Variants in FA2H observed in about 807,000 individuals in gnomAD.
FA2H encodes fatty acid alpha-hydroxylase.
In FA2H, 22 loss-of-function variants were observed where a neutral mutation model predicts 44.9. That is an observed-to-expected ratio of 0.49 (90% confidence interval 0.35 to 0.70). The LOEUF is 0.70. FA2H is among the 30% of genes least tolerant of loss of function. The pLI is 0.01. For synonymous variants in FA2H, 243 were observed against 213.2 expected, an observed-to-expected ratio of 1.14 and a Z score of -1.22; for missense variants, 501 against 504.9, an observed-to-expected ratio of 0.99 and a Z score of 0.07.
intron 2 of FA2H, among the ~76,000 whole-genome samples, chr16:74,727,648 G>A (rs1211432713): frequency 1.3e-5 from 2 of 152,210 alleles, no homozygotes; most frequent in Non-Finnish European, 2.9e-5. Context: ...TTCTGTTGGA[G>A]GTGCTAAATC....
intron 2 of FA2H, among the ~76,000 whole-genome samples, chr16:74,730,588 C>T (rs1182404976): frequency 6.6e-6 from 1 of 152,134 alleles, no homozygotes; most frequent in Non-Finnish European, 1.5e-5. Context: ...GCTACCACCA[C>T]CATCAGGAAA....
At chr16:74,758,031 T>C (rs1396916678) in intron 1 of FA2H, among the ~76,000 whole-genome samples, 1 of 151,516 alleles carries the variant, frequency 6.6e-6, no homozygotes, top group Non-Finnish European at 1.5e-5. Context: ...AATATATATA[T>C]ACGCATGTAT....
intron 1 of FA2H, among the ~76,000 whole-genome samples, chr16:74,751,245 C>T (rs969201329): frequency 3.3e-5 from 5 of 152,024 alleles, no homozygotes; most frequent in Admixed American, 6.6e-5. Flanking sequence ...TAGGCATGCA[C>T]CACCATGCCT....
At chr16:74,734,897 CCAAACT>C (rs1962150736) in intron 2 of FA2H, among the ~76,000 whole-genome samples, 1 of 152,214 alleles carries the variant, frequency 6.6e-6, no homozygotes, top group African/African-American at 2.4e-5. Context: ...AAATGTCCAC[CCAAACT>C]CAGGCATATT....
chr16:74,719,959 T>C (rs1411289433), intron 4 of FA2H, among the ~76,000 whole-genome samples: 1 of 151,672 alleles, frequency 6.6e-6, no homozygotes, highest in Non-Finnish European at 1.5e-5. Flanking sequence ...CCTGAAATCA[T>C]AGCACAGGAG....
Position 74,774,532 on chromosome 16 carries a change from C to T in FA2H, c.224G>A (p.Arg75His). The part of the protein sequence containing the change: ...PPHRHSANAR[R>H]WLEQYYVGEL... ...TCCCACGTAGTACTGCTCCAGCCAGCGGCGCGCGTTGGCCGAGTGCCTGTG... is the reference window on the plus strand; with the variant it reads ...TCCCACGTAGTACTGCTCCAGCCAGTGGCGCGCGTTGGCCGAGTGCCTGTG... Residue 75 changes from arginine (R) to histidine (H), a missense_variant, in exon 1 of 7, where the codon CGC becomes CAC. Transcript: ENST00000219368. 6.5e-7 allele frequency: 1 copy of T among 1,543,202 alleles called. No individual in the cohort carries two copies. The highest frequency in any genetic ancestry group is 8.7e-7 in the Non-Finnish European group (1 of 1,154,338).
intron 2 of FA2H, among the ~76,000 whole-genome samples, chr16:74,735,021 G>A (rs146647841): frequency 2.1e-3 from 313 of 152,348 alleles, no homozygotes; most frequent in African/African-American, 7.3e-3. Flanking sequence ...TGGTCAGCTG[G>A]GGCTCAGGCC....
At chr16:74,715,906 C>G (rs868060800) in intron 6 of FA2H, among the ~76,000 whole-genome samples, 3 of 151,712 alleles carry the variant, frequency 2.0e-5, no homozygotes, top group Admixed American at 1.3e-4. Context: ...GCTTCTGCCT[C>G]CTGGATTCAA....
At chr16:74,731,139 G>A (rs1962063024) in intron 2 of FA2H, among the ~76,000 whole-genome samples, 1 of 151,230 alleles carries the variant, frequency 6.6e-6, no homozygotes, top group Admixed American at 6.6e-5. Flanking sequence ...TTTTAATCTA[G>A]TCAGACAATC....
At chr16:74,766,279 C>T (rs142835524) in intron 1 of FA2H, among the ~76,000 whole-genome samples, 124 of 150,530 alleles carry the variant, frequency 8.2e-4, no homozygotes, top group African/African-American at 2.1e-3. Context: ...AGCCTGGGGC[C>T]GGGGGAACAC....
At chr16:74,732,218 T>C (rs1439924827) in intron 2 of FA2H, among the ~76,000 whole-genome samples, 1 of 152,142 alleles carries the variant, frequency 6.6e-6, no homozygotes, top group African/African-American at 2.4e-5. Context: ...CACTTTTGCA[T>C]GTTACACATG....
chr16:74,729,839 G>C (rs1370232586), intron 2 of FA2H, among the ~76,000 whole-genome samples: 1 of 152,078 alleles, frequency 6.6e-6, no homozygotes, highest in African/African-American at 2.4e-5. Context: ...ATCGGAGTGA[G>C]GATGAGGGTG....
At chr16:74,717,520 G>A (rs931049643) in intron 5 of FA2H, among the ~76,000 whole-genome samples, 2 of 152,210 alleles carry the variant, frequency 1.3e-5, no homozygotes, top group African/African-American at 4.8e-5. Flanking sequence ...CTGCCCTGGC[G>A]CTTTCAAGCG....
intron 1 of FA2H, among the ~76,000 whole-genome samples, chr16:74,745,228 C>T (rs1962396382): frequency 6.6e-6 from 1 of 152,202 alleles, no homozygotes; most frequent in Admixed American, 6.5e-5. Context: ...TCTCCTGATA[C>T]CGCATTTACC....
chr16:74,769,985 G>T (rs1265973266), intron 1 of FA2H, among the ~76,000 whole-genome samples: 1 of 152,202 alleles, frequency 6.6e-6, no homozygotes, highest in Non-Finnish European at 1.5e-5. Flanking sequence ...ACCTACAGAG[G>T]GTGCAGCAAA....
chr16:74,737,152 G>C (rs927016731), intron 2 of FA2H, among the ~76,000 whole-genome samples: 2 of 152,106 alleles, frequency 1.3e-5, no homozygotes, highest in South Asian at 2.1e-4. Context: ...CTGGTCCCCC[G>C]GGTGGAAAGG....
intron 4 of FA2H, among the ~76,000 whole-genome samples, chr16:74,719,666 T>C (rs929368196): frequency 2.6e-5 from 4 of 152,180 alleles, no homozygotes; most frequent in Non-Finnish European, 4.4e-5. Context: ...GCTTCTCAAG[T>C]AGCTGGGACC....
rs950271342 is a variant in FA2H at position 74,761,344 on chromosome 16, T to C, written c.270+13142A>G. Among the ~76,000 whole-genome samples the C allele has an allele frequency of 5.3e-5, 8 of 151,860 alleles. No homozygotes were observed. In the East Asian group the frequency reaches 9.7e-4, roughly 18 times the overall value. On this transcript the variant is annotated intron_variant, in intron 1 of 6. Transcript: ENST00000219368. ...GGCATACACCTGTAATCCCAGCTACTCGGGAGGCTGAGACTGGAGAATCGC... is the reference window on the plus strand; with the variant it reads ...GGCATACACCTGTAATCCCAGCTACCCGGGAGGCTGAGACTGGAGAATCGC...
At chr16:74,765,423 C>G (rs1436167212) in intron 1 of FA2H, among the ~76,000 whole-genome samples, 2 of 152,186 alleles carry the variant, frequency 1.3e-5, no homozygotes, top group Non-Finnish European at 2.9e-5. Context: ...TCCCAAAGTG[C>G]TGGGATTACA....
Sources: gnomAD v4.1 joint callset for allele counts (sites outside exome capture counted in the v4.1 genomes callset) on GRCh38, gnomAD v4.1.1 for gene constraint, MANE v1.5 for transcripts, NCBI Gene and HGNC (gene_info 2026-07-23, HGNC 2026-07-21) for gene names.